BOD1L1: variants seen among roughly 807,000 people sequenced by gnomAD.
The protein encoded by BOD1L1 is biorientation of chromosomes in cell division protein 1-like 1.
In BOD1L1, 86 loss-of-function variants were observed where a neutral mutation model predicts 240.7. The observed-to-expected ratio is 0.36, with a 90% confidence interval of 0.30 to 0.43. The LOEUF is 0.43. Ranked by LOEUF, BOD1L1 falls within the 20% of genes least tolerant of loss-of-function variation. The probability of loss-of-function intolerance (pLI) is 1.00; values close to 1 mark genes in which losing one functional copy is unlikely to be tolerated. For synonymous variants in BOD1L1, 1,268 were observed against 1,272.3 expected (o/e 1.00, Z 0.07); for missense variants, 3,554 against 3,643.5 (o/e 0.98, Z 0.63).
chr4:13,618,610 T>A (rs1031545786), intron 2 of BOD1L1, among the ~76,000 whole-genome samples: 3 of 152,366 alleles, frequency 2.0e-5, no homozygotes, highest in Non-Finnish European at 2.9e-5. Context: ...TCAGACATCC[T>A]TTAAAATGTA....
intron 1 of BOD1L1, 128 bp from the exon 2 acceptor site, chr4:13,620,195 TACAC>T: frequency 1.0e-6 from 1 of 958,924 alleles, no homozygotes; most frequent in Non-Finnish European, 1.5e-6. Context: ...CAAGATAACT[TACAC>T]TCATTCAAAT....
In BOD1L1 at chr4:13,604,314, G is replaced by A. The variant is rs771299954; in HGVS notation, c.2586C>T (p.Ile862=). The change falls in exon 10 of 26, where the codon ATC becomes ATT. Residue 862 remains isoleucine, a synonymous_variant. Transcript: ENST00000040738. ...KDSLGSKQHG[I]TLQRRSESYS... is the part of the protein sequence containing the mutation. ...AACTTTCACTTCTTCTCTGTAATGT[G>A]ATACCATGTTGCTTGGAACCCAGAG... 56 of 1,596,258 alleles carry A rather than the reference G, an allele frequency of 3.5e-5. No homozygotes were observed. In the South Asian group the frequency reaches 6.4e-4, roughly 18 times the overall value.
In BOD1L1 at chr4:13,595,848, T is replaced by C. The variant is rs374398420; in HGVS notation, c.8104+12A>G. 8.7e-6 allele frequency: 14 copies of C among 1,606,966 alleles called. No homozygotes were observed. Among genetic ancestry groups the C allele is most frequent in the Non-Finnish European group, 1.1e-5 (13 of 1,176,760 alleles). ...ACAAAAACAATGTGAACAACCATTC[T>C]AAAGAGCTCACCTATTCCACTTGGC... On this transcript the variant is annotated intron_variant, in intron 12 of 25. Transcript: ENST00000040738.
Position 13,581,203 on chromosome 4 carries a change from T to G in BOD1L1, c.8597A>C (p.Asp2866Ala). The G allele has an allele frequency of 6.4e-7, 1 of 1,561,902 alleles. No individual in the cohort carries two copies. The highest frequency in any genetic ancestry group is 8.7e-7 in the Non-Finnish European group (1 of 1,151,718). Residue 2866 changes from aspartate (D) to alanine (A), a missense_variant, in exon 20 of 26, where the codon GAT (aspartate) becomes GCT (alanine). Asp to Ala is a moderately radical substitution (Grantham distance 126). This residue lies in a region of BOD1L1 where 3,393 missense variants were observed against 3,427.1 expected (regional missense o/e 0.99). Transcript: ENST00000040738. ...DDDTIKSQEE[D>A]QPIIIKRKRG... ...TTTCCTTTTAATAATTATTGGCTGA[T>G]CTTCCTAAGGGGGAAATAAAAAACA... is the stretch of plus-strand genomic sequence containing the variant.
At chr4:13,608,289 G>A (rs1715874896) in intron 8 of BOD1L1, among the ~76,000 whole-genome samples, 1 of 152,134 alleles carries the variant, frequency 6.6e-6, no homozygotes, top group Non-Finnish European at 1.5e-5. Flanking sequence ...AGGGGAGAGG[G>A]TCTAAAGCTC....
Position 13,624,232 on chromosome 4 carries a change from G to C in BOD1L1, c.243+3113C>G, listed in dbSNP as rs1329972765. 2.0e-5 allele frequency: 3 copies of C among 152,044 alleles called. No homozygotes were observed. In the East Asian group the frequency reaches 5.8e-4, roughly 29 times the overall value. The allele number at this position is 152,044 out of a possible 1,614,324, so 9.4% of individuals were successfully genotyped here. A position where few individuals can be genotyped will look rare whatever the true frequency, so the allele number is the denominator to read the frequency against. On this transcript the variant is annotated intron_variant, in intron 1 of 25. Coordinates refer to ENST00000040738, the MANE Select transcript of BOD1L1 (RefSeq NM_148894.3). ...TTAGTGGCAGGGAGGGGGAGAGAGAGAGAGATTTTGTGGGAGAGTTTAAGC... is the reference window on the plus strand; with the variant it reads ...TTAGTGGCAGGGAGGGGGAGAGAGACAGAGATTTTGTGGGAGAGTTTAAGC...
rs147679849 is a variant in BOD1L1, at chr4:13,607,117, C to T, written c.1815G>A (p.Glu605=). 6.4e-7 allele frequency: 1 copy of T among 1,551,168 alleles called. No individual in the cohort carries two copies. The highest frequency in any genetic ancestry group is 1.4e-5 in the African/African-American group (1 of 72,146). Residue 605 remains glutamate, a splice_region_variant and synonymous_variant, in exon 9 of 26, where the codon GAG becomes GAA. Transcript: ENST00000040738. ...EDSKETLKTS[E]HCEKEKISSS... ...GAAATGAGGTTTTATTAAGGCATAC[C>T]TCACTTGTTTTAAGGGTTTCTTTGG... is the stretch of plus-strand genomic sequence containing the variant.
intron 9 of BOD1L1, among the ~76,000 whole-genome samples, chr4:13,606,410 T>TC (rs1234457120): frequency 6.6e-6 from 1 of 152,198 alleles, no homozygotes; most frequent in Non-Finnish European, 1.5e-5. Context: ...CATTGCTTTT[T>TC]CCCTCTGGAA....
Position 13,581,175 on chromosome 4 carries a change from TCTTTTC to T in BOD1L1, c.8619_8624del (p.Lys2874_Arg2875del). On this transcript the variant is annotated inframe_deletion, in exon 20 of 26. Coordinates refer to ENST00000040738, the MANE Select transcript of BOD1L1 (RefSeq NM_148894.3). Reference sequence around the variant, plus strand: ...CTACAGGGTATTTGCGAGGTCTTCCTCTTTTCCTTTTAATAATTATTGGCTGATCTT... The same window carrying T: ...CTACAGGGTATTTGCGAGGTCTTCCTCTTTTAATAATTATTGGCTGATCTT... 1 of 1,574,270 alleles carries T rather than the reference TCTTTTC, an allele frequency of 6.4e-7. No individual in the cohort carries two copies. The highest frequency in any genetic ancestry group is 8.6e-7 in the Non-Finnish European group (1 of 1,157,956).
At chr4:13,592,669 T>C (rs1381546128) in intron 12 of BOD1L1, 1 of 152,230 alleles carries the variant, frequency 6.6e-6, no homozygotes, top group African/African-American at 2.4e-5. Flanking sequence ...AGATTAGTCA[T>C]CTTCAGGGTT....
chr4:13,582,591 G>GA (rs1491254468), intron 18 of BOD1L1, 61 bp downstream of exon 18: 4 of 1,280,040 alleles, frequency 3.1e-6, no homozygotes, highest in Non-Finnish European at 4.5e-6. Context: ...CGTTTCGGTT[G>GA]AGAGACACGC....
Position 13,569,892 on chromosome 4 carries a change from A to G in BOD1L1, c.*119T>C, listed in dbSNP as rs1388810869. ...ACATAACAAGAAAAAGCTTGCACCT[A>G]GGGACTTACAGCACATGCATATCTT... On this transcript the variant is annotated 3_prime_UTR_variant, in exon 26 of 26. Coordinates refer to ENST00000040738, the MANE Select transcript of BOD1L1 (RefSeq NM_148894.3). 4 of 581,520 alleles carry G rather than the reference A, an allele frequency of 6.9e-6. No individual in the cohort carries two copies. Among genetic ancestry groups the G allele is most frequent in the Non-Finnish European group, 1.1e-5 (4 of 363,172 alleles). The allele number at this position is 581,520 out of a possible 1,614,324, so 36.0% of individuals were successfully genotyped here.
chr4:13,591,820 ACACAGGCAACCCCTT>A (rs1480929373), intron 13 of BOD1L1, 88 bp downstream of exon 13: 11 of 839,640 alleles, frequency 1.3e-5, no homozygotes, highest in Non-Finnish European at 1.8e-6. Flanking sequence ...CTACAGAAAT[ACACAGGCAACCCCTT>A]CAGATGGCTC....
intron 2 of BOD1L1, among the ~76,000 whole-genome samples, chr4:13,617,877 A>C (rs148017795): frequency 6.6e-6 from 1 of 152,228 alleles, no homozygotes; most frequent in Non-Finnish European, 1.5e-5. Flanking sequence ...CAGATTGAAC[A>C]TAACTAAATA....
intron 25 of BOD1L1, among the ~76,000 whole-genome samples, chr4:13,575,220 C>T (rs915217398): frequency 6.6e-6 from 1 of 150,834 alleles, no homozygotes; most frequent in Admixed American, 6.6e-5. Context: ...TGCCCAGCCC[C>T]GATTTTAGTT....
chr4:13,594,661 C>CA (rs1714475814), intron 12 of BOD1L1, among the ~76,000 whole-genome samples: 1 of 152,140 alleles, frequency 6.6e-6, no homozygotes, highest in Non-Finnish European at 1.5e-5. Context: ...CTTTGGGAGG[C>CA]CAAGGCGGGC....
At chr4:13,625,225 TA>T (rs1247491880) in intron 1 of BOD1L1, 2 of 152,166 alleles carry the variant, frequency 1.3e-5, no homozygotes, top group African/African-American at 4.8e-5. Flanking sequence ...CTAAGAACAT[TA>T]AAATAGGTTC....
chr4:13,597,005 G>C (rs990426251), intron 11 of BOD1L1, 99 bp downstream of exon 11: 6 of 954,958 alleles, frequency 6.3e-6, no homozygotes, highest in Non-Finnish European at 9.6e-6. Flanking sequence ...AGTACAATGA[G>C]AACAGGACCT....
In BOD1L1 at chr4:13,595,917, T is replaced by G. The variant is rs1163549906; in HGVS notation, c.8047A>C (p.Asn2683His). 6.2e-7 allele frequency: 1 copy of G among 1,613,704 alleles called. No homozygotes were observed. Among genetic ancestry groups the G allele is most frequent in the South Asian group, 1.1e-5 (1 of 91,078 alleles). ...TCTGGTGGTGCCAGAATTTCACCAT[T>G]TTTCTCTTCCTCTGAAGGCACATAA... ...EAYVPSEEEK[N>H]GEILAPPESL... The change falls in exon 12 of 26, where the codon AAT becomes CAT. Residue 2683 changes from asparagine (N) to histidine (H), a missense_variant. Coordinates refer to ENST00000040738, the MANE Select transcript of BOD1L1 (RefSeq NM_148894.3).
Sources: allele counts gnomAD v4.1 joint callset (sites outside exome capture counted in the v4.1 genomes callset), GRCh38; gene constraint gnomAD v4.1.1; regional missense constraint gnomAD v4.1.1; transcripts MANE v1.5; gene names NCBI Gene and HGNC (gene_info 2026-07-23, HGNC 2026-07-21).